SPATA22: variants seen among roughly 807,000 people sequenced by gnomAD.
The protein encoded by SPATA22 is spermatogenesis-associated protein 22.
A neutral mutation model predicts 47.8 loss-of-function variants in SPATA22; 29 were observed. The observed-to-expected ratio is 0.61, with a 90% CI of 0.45 to 0.83. The LOEUF is 0.83. Ranked by LOEUF, SPATA22 falls within the 40% of genes least tolerant of loss-of-function variation. The pLI is 0.00. For synonymous variants in SPATA22, 133 were observed against 140.9 expected (o/e 0.94, Z 0.40); for missense variants, 410 against 421.7 (o/e 0.97, Z 0.24).
chr17:3,443,652 T>C (rs1002885682), intron 7 of SPATA22, among the ~76,000 whole-genome samples: 5 of 151,912 alleles, frequency 3.3e-5, no homozygotes, highest in African/African-American at 9.7e-5. Context: ...AAAAGAAACA[T>C]TGAATTAGAA....
At chr17:3,440,854 A>C (rs972217464) in intron 8 of SPATA22, 2 of 152,084 alleles carry the variant, frequency 1.3e-5, no homozygotes, top group Non-Finnish European at 2.9e-5. Flanking sequence ...TTTCTCCCTG[A>C]GATGTCTGCA....
At chr17:3,497,311 C>T (rs929276106) in intron 1 of SPATA22, among the ~76,000 whole-genome samples, 3 of 152,280 alleles carry the variant, frequency 2.0e-5, no homozygotes, top group African/African-American at 7.2e-5. Context: ...AAATAGTTCT[C>T]AGCCGAGCCA....
exon 1 of SPATA22, chr17:3,513,815 A>G: frequency 1.0e-6 from 1 of 992,034 alleles, no homozygotes; most frequent in South Asian, 1.4e-5. Flanking sequence ...CTAGGCCAGC[A>G]GAGCCGGACT....
intron 1 of SPATA22, among the ~76,000 whole-genome samples, chr17:3,470,093 C>CAAAAAAAAAAAAAAAAA (rs57432043): frequency 1.8e-5 from 1 of 54,302 alleles, no homozygotes; most frequent in Non-Finnish European, 3.3e-5. Context: ...GACTCCATCT[C>CAAAAAAAAAAAAAAAAA]AAAAAAAAAA....
chr17:3,443,770 A>T (rs910322208), intron 7 of SPATA22, among the ~76,000 whole-genome samples: 1 of 151,984 alleles, frequency 6.6e-6, no homozygotes, highest in African/African-American at 2.4e-5. Flanking sequence ...TAAGGTATAC[A>T]ACATATTTTC....
chr17:3,478,517 A>C (rs2073570990), intron 1 of SPATA22, among the ~76,000 whole-genome samples: 1 of 152,206 alleles, frequency 6.6e-6, no homozygotes, highest in East Asian at 1.9e-4. Context: ...CTGTTAACTA[A>C]CTTCTATATT....
In SPATA22 at chr17:3,469,265, TA is replaced by T; in HGVS notation, c.43+17del. 2.4e-6 allele frequency: 3 copies of T among 1,267,272 alleles called. No individual in the cohort carries two copies. The highest frequency in any genetic ancestry group is 1.1e-6 in the Non-Finnish European group (1 of 886,492). The allele number at this position is 1,267,272 out of a possible 1,614,324, so 78.5% of individuals were successfully genotyped here. On this transcript the variant is annotated intron_variant, in intron 2 of 8. Coordinates refer to ENST00000572969, the MANE Select transcript of SPATA22 (RefSeq NM_001170698.2). Reference sequence around the variant, plus strand: ...ATATGCTATACAGAAAATTTAAAAATAAAAAGTTGTTCAATACCTGCTGTAC... The same window carrying T: ...ATATGCTATACAGAAAATTTAAAAATAAAAGTTGTTCAATACCTGCTGTAC...
At chr17:3,509,807 C>G (rs571639731) in intron 1 of SPATA22, among the ~76,000 whole-genome samples, 21 of 149,170 alleles carry the variant, frequency 1.4e-4, no homozygotes, top group African/African-American at 5.2e-4. Context: ...TCCTATTTCT[C>G]CACAGCCTCT....
intron 1 of SPATA22, among the ~76,000 whole-genome samples, chr17:3,477,755 C>T (rs1180394078): frequency 6.6e-6 from 1 of 152,038 alleles, no homozygotes; most frequent in South Asian, 2.1e-4. Context: ...CGCTGGGCCG[C>T]TTTTTTTCTT....
chr17:3,450,648 C>G (rs1012945579), intron 5 of SPATA22, among the ~76,000 whole-genome samples: 1 of 152,052 alleles, frequency 6.6e-6, no homozygotes, highest in African/African-American at 2.4e-5. Context: ...ATTTTATTTT[C>G]AATAAAGAGA....
chr17:3,467,578 T>C lies in SPATA22; in HGVS notation c.44-24A>G, dbSNP rs1417136611. On this transcript the variant is annotated intron_variant, in intron 2 of 8. Transcript: ENST00000572969. ...GCCTAAATTGAATGTACCAATAAAT[T>C]AGTACATAATAGACAAATAAGCAGA... The C allele has an allele frequency of 1.9e-6, 3 of 1,580,398 alleles. No homozygotes were observed. The South Asian group carries it at 3.5e-5, about 19-fold the overall frequency.
chr17:3,456,064 A>T (rs1387942006), intron 5 of SPATA22, among the ~76,000 whole-genome samples: 1 of 152,152 alleles, frequency 6.6e-6, no homozygotes, highest in Admixed American at 6.6e-5. Flanking sequence ...GCAATTGTGA[A>T]TGGGAATTCA....
intron 1 of SPATA22, among the ~76,000 whole-genome samples, chr17:3,506,017 C>T (rs933522915): frequency 3.9e-5 from 6 of 152,316 alleles, no homozygotes; most frequent in African/African-American, 1.4e-4. Context: ...CTTGGCCTCC[C>T]AAAGTGCTGG....
chr17:3,494,442 A>T, intron 1 of SPATA22: 1 of 1,604,214 alleles, frequency 6.2e-7, no homozygotes, highest in Non-Finnish European at 8.5e-7. Flanking sequence ...TGCTGCTATC[A>T]TCCATCCTAA....
At chr17:3,448,719 A>G in intron 6 of SPATA22, 88 bp downstream of exon 6, 1 of 924,618 alleles carries the variant, frequency 1.1e-6, no homozygotes, top group Non-Finnish European at 1.6e-6. Flanking sequence ...AATTTATTTC[A>G]GGCGCTCTTA....
chr17:3,454,024 A>T (rs1413964283), intron 5 of SPATA22, among the ~76,000 whole-genome samples: 4 of 152,132 alleles, frequency 2.6e-5, no homozygotes, highest in Non-Finnish European at 5.9e-5. Context: ...GAATTCAGTA[A>T]AATTGCAGGA....
rs1328765047 is a variant in SPATA22, at chr17:3,490,542, C to T, written c.-73-21144G>A. Among the ~76,000 whole-genome samples the T allele has an allele frequency of 1.3e-5, 2 of 148,320 alleles. No individual in the cohort carries two copies. The highest frequency in any genetic ancestry group is 3.0e-5 in the Non-Finnish European group (2 of 66,210). ...GAATTCCTCAACCTCAGATCGTGCG[C>T]ACCCCACTGCAATCACAGACATTCG... On this transcript the variant is annotated intron_variant, in intron 1 of 8. Coordinates refer to the SPATA22 transcript ENST00000541913. The surrounding 1 kb of genome is among the most constrained non-coding windows in gnomAD (Gnocchi z 4.6).
intron 1 of SPATA22, among the ~76,000 whole-genome samples, chr17:3,470,805 GTT>G (rs2073415007): frequency 6.6e-6 from 1 of 151,488 alleles, no homozygotes; most frequent in African/African-American, 2.4e-5. Flanking sequence ...TGCTGCCTCT[GTT>G]TTGTTTCCAC....
intron 5 of SPATA22, among the ~76,000 whole-genome samples, chr17:3,457,670 T>C (rs1280129642): frequency 6.6e-6 from 1 of 152,108 alleles, no homozygotes; most frequent in Non-Finnish European, 1.5e-5. Flanking sequence ...AATAAACCCA[T>C]GCATTTACAT....
Sources: allele counts gnomAD v4.1 joint callset (sites outside exome capture counted in the v4.1 genomes callset), GRCh38; gene constraint gnomAD v4.1.1; non-coding constraint Gnocchi (gnomAD v3.1); transcripts MANE v1.5; gene names NCBI Gene and HGNC (gene_info 2026-07-23, HGNC 2026-07-21).